Variants in CCDC192 observed in about 807,000 individuals in gnomAD.
CCDC192 encodes coiled-coil domain containing 192, also known as coiled-coil domain-containing protein 192.
intron 6 of CCDC192, among the ~76,000 whole-genome samples, chr5:127,933,245 C>T (rs896760722): frequency 1.3e-5 from 2 of 152,164 alleles, no homozygotes; most frequent in Admixed American, 6.5e-5. Flanking sequence ...GACGAAAAGT[C>T]GCTGGAGGAT....
chr5:127,868,846 C>G (rs1751723621), intron 5 of CCDC192, among the ~76,000 whole-genome samples: 1 of 151,902 alleles, frequency 6.6e-6, no homozygotes, highest in South Asian at 2.1e-4. Context: ...ATGTAGGACA[C>G]TGGGTAAGAC....
At chr5:127,871,177 C>G (rs777761382) in intron 5 of CCDC192, among the ~76,000 whole-genome samples, 3 of 152,202 alleles carry the variant, frequency 2.0e-5, no homozygotes, top group Admixed American at 6.5e-5. Context: ...ACCGGGCCAG[C>G]TCTGGCAGGA....
intron 6 of CCDC192, among the ~76,000 whole-genome samples, chr5:127,926,109 C>T (rs1057174692): frequency 3.3e-5 from 5 of 152,138 alleles, no homozygotes; most frequent in African/African-American, 9.7e-5. Context: ...CCGCCTTTGC[C>T]TTATTTGAAC....
At chr5:127,708,387 T>C (rs1751090483) in intron 2 of CCDC192, among the ~76,000 whole-genome samples, 1 of 152,154 alleles carries the variant, frequency 6.6e-6, no homozygotes. Flanking sequence ...ATACAGAAGA[T>C]CATTATACCA....
intron 3 of CCDC192, among the ~76,000 whole-genome samples, chr5:127,756,456 G>A (rs373451481): frequency 2.6e-4 from 39 of 152,306 alleles, no homozygotes; most frequent in African/African-American, 9.4e-4. Flanking sequence ...ATAGGAGCTC[G>A]AAGTTAGGTT....
intron 5 of CCDC192, among the ~76,000 whole-genome samples, chr5:127,814,371 C>G (rs1409304727): frequency 6.6e-6 from 1 of 152,182 alleles, no homozygotes; most frequent in Non-Finnish European, 1.5e-5. Context: ...CCCCTCAATG[C>G]TCTTTCCCGC....
intron 6 of CCDC192, among the ~76,000 whole-genome samples, chr5:127,887,068 C>T (rs987714344): frequency 7.9e-5 from 12 of 152,070 alleles, no homozygotes; most frequent in African/African-American, 2.7e-4. Context: ...TGGCTCACAC[C>T]TGTAATCCCA....
intron 5 of CCDC192, among the ~76,000 whole-genome samples, chr5:127,841,354 A>T (rs901199926): frequency 3.3e-5 from 5 of 152,198 alleles, no homozygotes; most frequent in African/African-American, 1.2e-4. Context: ...TCTCAGGGGA[A>T]AGATTCATCA....
At chr5:127,924,548 T>C (rs1044199483) in intron 6 of CCDC192, among the ~76,000 whole-genome samples, 13 of 152,314 alleles carry the variant, frequency 8.5e-5, no homozygotes, top group African/African-American at 3.1e-4. Flanking sequence ...GAATATTCCA[T>C]AAACAATTGA....
At chr5:127,727,491 CAAAAG>C (rs1191054177) in intron 2 of CCDC192, among the ~76,000 whole-genome samples, 1 of 151,048 alleles carries the variant, frequency 6.6e-6, no homozygotes, top group Admixed American at 6.6e-5. Context: ...AAAAAAAAAT[CAAAAG>C]AAAAGAAAAA....
At chr5:127,728,806 C>G (rs1376206774) in intron 2 of CCDC192, among the ~76,000 whole-genome samples, 1 of 152,192 alleles carries the variant, frequency 6.6e-6, no homozygotes, top group East Asian at 1.9e-4. Flanking sequence ...AGAACCATCT[C>G]ATGTGCAAAG....
At chr5:127,900,454 G>A (rs1753008027) in intron 6 of CCDC192, among the ~76,000 whole-genome samples, 1 of 152,192 alleles carries the variant, frequency 6.6e-6, no homozygotes, top group Non-Finnish European at 1.5e-5. Context: ...AAACATGTGA[G>A]ATGAGACATA....
chr5:127,893,488 A>G (rs1275263793), intron 6 of CCDC192, among the ~76,000 whole-genome samples: 2 of 152,184 alleles, frequency 1.3e-5, no homozygotes, highest in African/African-American at 2.4e-5. Context: ...TGTTCTCACT[A>G]TACCTTTAGA....
At chr5:127,780,991 T>G (rs546538388) in intron 3 of CCDC192, among the ~76,000 whole-genome samples, 14 of 152,316 alleles carry the variant, frequency 9.2e-5, no homozygotes, top group African/African-American at 3.1e-4. Context: ...TAATCCATCT[T>G]GAGTTGATTT....
Position 127,731,653 on chromosome 5 carries a change from C to A in CCDC192, c.115-22615C>A, listed in dbSNP as rs369853678. 1.4e-4 allele frequency among the ~76,000 whole-genome samples: 22 copies of A among 152,120 alleles called. No individual in the cohort carries two copies. The South Asian group carries it at 2.5e-3, about 17-fold the overall frequency. ...ACAGTAACCAAAACAGCATTGTACT[C>A]GTACAAAAACAGATACATAGACCAA... On this transcript the variant is annotated intron_variant, in intron 2 of 6. Coordinates refer to ENST00000514853, the MANE Select transcript of CCDC192 (RefSeq NM_001317938.2).
At chr5:127,752,107 C>T (rs1260468979) in intron 2 of CCDC192, among the ~76,000 whole-genome samples, 10 of 152,172 alleles carry the variant, frequency 6.6e-5, no homozygotes, top group African/African-American at 1.4e-4. Flanking sequence ...AGCCTTCTTC[C>T]CTCAGCTCAT....
chr5:127,731,254 T>TGA (rs1561452004), intron 2 of CCDC192, among the ~76,000 whole-genome samples: 10 of 152,204 alleles, frequency 6.6e-5, no homozygotes, highest in African/African-American at 1.2e-4. Flanking sequence ...ATGAATGAAC[T>TGA]CCTGTTCACA....
chr5:127,913,988 A>C (rs552153639), intron 6 of CCDC192, among the ~76,000 whole-genome samples: 1 of 152,318 alleles, frequency 6.6e-6, no homozygotes, highest in East Asian at 1.9e-4. Flanking sequence ...TATGAATGTG[A>C]ATAAAAATGG....
intron 2 of CCDC192, among the ~76,000 whole-genome samples, chr5:127,716,627 G>A (rs893236547): frequency 2.6e-5 from 4 of 152,116 alleles, no homozygotes; most frequent in African/African-American, 9.7e-5. Flanking sequence ...GGTTGTATGT[G>A]TCCAGGAAGT....
Sources: allele counts gnomAD v4.1 joint callset (sites outside exome capture counted in the v4.1 genomes callset), GRCh38; gene constraint gnomAD v4.1.1; transcripts MANE v1.5; gene names NCBI Gene and HGNC (gene_info 2026-07-23, HGNC 2026-07-21).